Variants in RBAK observed in about 807,000 individuals in gnomAD.
RBAK encodes RB associated KRAB zinc finger.
Under a neutral mutation model 65.8 loss-of-function variants are expected in RBAK, and 39 were observed. The observed-to-expected ratio is 0.59, with a 90% CI of 0.46 to 0.77. The LOEUF (loss-of-function observed/expected upper bound fraction) is 0.77, where lower values mean the gene tolerates loss of function less well. Among genes scored for constraint, RBAK ranks in the 30% least tolerant of loss-of-function variants. The pLI is 0.00. For synonymous variants in RBAK, 343 were observed against 289.7 expected (o/e 1.18, Z -1.87); for missense variants, 884 against 855.1 (o/e 1.03, Z -0.42).
chr7:5,057,675 C>T lies in RBAK; in HGVS notation c.143-9C>T, dbSNP rs115086723. On this transcript the variant is annotated splice_polypyrimidine_tract_variant and intron_variant, in intron 3 of 4. Coordinates refer to ENST00000396912, the MANE Select transcript of RBAK (RefSeq NM_021163.4). ...CTTCCCCAAGTCCTCCTTCTTTTCC[C>T]ATTAACAGGATATGATACCACCAAG... The T allele has an allele frequency of 8.5e-4, 1,365 of 1,613,724 alleles. 6 individuals carry two copies. In the African/African-American group the frequency reaches 0.016, roughly 19 times the overall value.
intron 2 of RBAK, among the ~76,000 whole-genome samples, chr7:5,056,022 C>T (rs550719035): frequency 1.3e-5 from 2 of 151,558 alleles, no homozygotes; most frequent in South Asian, 4.2e-4. Context: ...TTGGGCAGGG[C>T]GTGCTGGCTC....
intron 2 of RBAK, among the ~76,000 whole-genome samples, chr7:5,055,095 C>G (rs1201199214): frequency 1.3e-5 from 2 of 151,978 alleles, no homozygotes; most frequent in Non-Finnish European, 2.9e-5. Flanking sequence ...TTTACTTTTT[C>G]TTAGTTATAT....
At position 5,067,786 on chromosome 7, in the gene RBAK, A is replaced by T. The variant is rs1387829575; in HGVS notation, c.*2185A>T. On this transcript the variant is annotated 3_prime_UTR_variant, in exon 5 of 5. Transcript: ENST00000396912. Reference sequence around the variant, plus strand: ...TCAAAAGTAGACCCACGTGTATACCATCACCTGAGTTTTGAGAAAGGTGAC... The same window carrying T: ...TCAAAAGTAGACCCACGTGTATACCTTCACCTGAGTTTTGAGAAAGGTGAC... 2 of 152,222 alleles carry T rather than the reference A, an allele frequency of 1.3e-5. No homozygotes were observed. The highest frequency in any genetic ancestry group is 4.8e-5 in the African/African-American group (2 of 41,460). The allele number at this position is 152,222 out of a possible 1,614,324, so 9.4% of individuals were successfully genotyped here. A position where few individuals can be genotyped will look rare whatever the true frequency, so the allele number is the denominator to read the frequency against.
chr7:5,058,300 C>T (rs950620894), intron 4 of RBAK, among the ~76,000 whole-genome samples: 3 of 152,192 alleles, frequency 2.0e-5, no homozygotes, highest in African/African-American at 7.2e-5. Context: ...GTCTTGAACT[C>T]CTGGCCTCAA....
chr7:5,052,687 G>C (rs1788142252), intron 2 of RBAK, among the ~76,000 whole-genome samples: 2 of 152,096 alleles, frequency 1.3e-5, no homozygotes, highest in Admixed American at 6.6e-5. Context: ...ATTTTTACAG[G>C]TGGTATCAGT....
intron 2 of RBAK, chr7:5,056,847 G>A: frequency 6.6e-6 from 1 of 152,556 alleles, no homozygotes; most frequent in Non-Finnish European, 1.5e-5. Flanking sequence ...AACATGAAGA[G>A]GTCCAGGGCA....
rs192130165 is a variant in RBAK at position 5,061,005 on chromosome 7, A to C, written c.239-2690A>C. ...GATTTTACACCAAATGAAACCCAGG[A>C]GTTTGGGAACTCTTGTTTGTATTCA... On this transcript the variant is annotated intron_variant, in intron 4 of 4. Coordinates refer to ENST00000396912, the MANE Select transcript of RBAK (RefSeq NM_021163.4). 3.9e-5 allele frequency among the ~76,000 whole-genome samples: 6 copies of C among 152,328 alleles called. No homozygotes were observed. In the East Asian group the frequency reaches 1.2e-3, roughly 29 times the overall value.
Position 5,065,752 on chromosome 7 carries a change from A to G in RBAK, c.*151A>G. 2.0e-6 allele frequency: 1 copy of G among 497,482 alleles called. No individual in the cohort carries two copies. The highest frequency in any genetic ancestry group is 3.3e-6 in the Non-Finnish European group (1 of 300,672). The allele number at this position is 497,482 out of a possible 1,614,324, so 30.8% of individuals were successfully genotyped here. ...ATTTTAATCCAAATTTTCACAGAGA[A>G]GAATCCCGAAGAATGTAACAAGAAG... On this transcript the variant is annotated 3_prime_UTR_variant, in exon 5 of 5. Coordinates refer to ENST00000396912, the MANE Select transcript of RBAK (RefSeq NM_021163.4). This position sits in a 1 kb window ranked among gnomAD's most constrained non-coding sequence, Gnocchi z 5.3.
At chr7:5,061,484 G>GT (rs1779070513) in intron 4 of RBAK, among the ~76,000 whole-genome samples, 1 of 146,060 alleles carries the variant, frequency 6.8e-6, no homozygotes, top group Non-Finnish European at 1.5e-5. Flanking sequence ...TAGAGACAGG[G>GT]TTTTGCATGT....
intron 2 of RBAK, among the ~76,000 whole-genome samples, chr7:5,055,943 T>C (rs1788219449): frequency 6.6e-6 from 1 of 152,122 alleles, no homozygotes; most frequent in South Asian, 2.1e-4. Context: ...CCCTTGTTGA[T>C]ATGTTCTTTA....
chr7:5,061,447 C>CTTTTTTTTTTTTTT (rs199823841), intron 4 of RBAK, among the ~76,000 whole-genome samples: 1 of 113,656 alleles, frequency 8.8e-6, no homozygotes, highest in Non-Finnish European at 1.8e-5. Context: ...TTTTGTTTTT[C>CTTTTTTTTTTTTTT]TTTTTCTTTT....
chr7:5,065,016 C>T lies in RBAK; in HGVS notation c.1560C>T (p.Phe520=). The T allele has an allele frequency of 3.1e-6, 5 of 1,613,500 alleles. No individual in the cohort carries two copies. The highest frequency in any genetic ancestry group is 3.4e-6 in the Non-Finnish European group (4 of 1,179,766). Residue 520 remains phenylalanine, a synonymous_variant, in exon 5 of 5, where the codon TTC becomes TTT. Transcript: ENST00000396912. The surrounding 1 kb of genome is among the most constrained non-coding windows in gnomAD (Gnocchi z 5.3). The part of the protein sequence containing the change: ...PYECNECGKT[F]LVNSAFDGHQ... ...AATGTAATGAATGTGGGAAAACCTT[C>T]CTTGTAAATTCAGCCTTCGATGGGC...
rs978556555 is a variant in RBAK, at chr7:5,066,832, G to T, written c.*1231G>T. The T allele has an allele frequency of 2.6e-5, 4 of 152,136 alleles. No homozygotes were observed. The highest frequency in any genetic ancestry group is 9.7e-5 in the African/African-American group (4 of 41,434). 9.4% of individuals were successfully genotyped at this position (152,136 alleles called of 1,614,324 possible). A position where few individuals can be genotyped will look rare whatever the true frequency, so the allele number is the denominator to read the frequency against. ...TTGTTTTATAGTGGTCATATGACCT[G>T]ATACTGGGTAAACAAAACAAAGATG... On this transcript the variant is annotated 3_prime_UTR_variant, in exon 5 of 5. Coordinates refer to ENST00000396912, the MANE Select transcript of RBAK (RefSeq NM_021163.4).
intron 2 of RBAK, among the ~76,000 whole-genome samples, chr7:5,054,236 C>G (rs1788175377): frequency 6.6e-6 from 1 of 152,044 alleles, no homozygotes; most frequent in Admixed American, 6.6e-5. Context: ...GAAACCCCTT[C>G]TATACTAAAA....
intron 4 of RBAK, among the ~76,000 whole-genome samples, chr7:5,060,077 T>G (rs1172044541): frequency 6.6e-6 from 1 of 152,238 alleles, no homozygotes; most frequent in African/African-American, 2.4e-5. Flanking sequence ...ATATATACTC[T>G]AAATGATTAT....
chr7:5,063,476 A>AGT (rs1779127737), intron 4 of RBAK, among the ~76,000 whole-genome samples: 2 of 71,738 alleles, frequency 2.8e-5, no homozygotes, highest in African/African-American at 1.1e-4. Flanking sequence ...TAATTCTTTC[A>AGT]CTGTGTGTGT....
chr7:5,059,583 T>C (rs1343495481), intron 4 of RBAK, among the ~76,000 whole-genome samples: 2 of 152,238 alleles, frequency 1.3e-5, no homozygotes, highest in African/African-American at 2.4e-5. Flanking sequence ...TGTATTTGCA[T>C]TGTTGAGCAA....
chr7:5,053,235 T>C (rs1030320057), intron 2 of RBAK, among the ~76,000 whole-genome samples: 1 of 152,256 alleles, frequency 6.6e-6, no homozygotes, highest in African/African-American at 2.4e-5. Context: ...TGCAAATGTC[T>C]TCATTGTGTC....
chr7:5,046,677 T>C (rs1787993207), intron 1 of RBAK, among the ~76,000 whole-genome samples: 1 of 152,296 alleles, frequency 6.6e-6, no homozygotes, highest in Admixed American at 6.5e-5. Context: ...CTTTCCGTGC[T>C]CCAGATTTCG....
Sources: gnomAD v4.1 joint callset for allele counts (sites outside exome capture counted in the v4.1 genomes callset) on GRCh38, gnomAD v4.1.1 for gene constraint, Gnocchi (gnomAD v3.1) non-coding constraint, MANE v1.5 for transcripts, NCBI Gene and HGNC (gene_info 2026-07-23, HGNC 2026-07-21) for gene names.